DLGAP2: variants seen among roughly 807,000 people sequenced by gnomAD.
DLGAP2 encodes the protein disks large-associated protein 2.
In DLGAP2, 26 loss-of-function variants were observed where a neutral mutation model predicts 100.3. That is an observed-to-expected ratio of 0.26 (90% CI 0.19 to 0.36). DLGAP2 has a LOEUF of 0.36. DLGAP2 is among the 10% of genes least tolerant of loss of function. The probability of loss-of-function intolerance (pLI) is 1.00; values close to 1 mark genes in which losing one functional copy is unlikely to be tolerated. For synonymous variants in DLGAP2, 886 were observed against 630.1 expected, an observed-to-expected ratio of 1.41 and a Z score of -6.08; for missense variants, 1,858 against 1,453.2, an observed-to-expected ratio of 1.28 and a Z score of -4.53.
intron 2 of DLGAP2, among the ~76,000 whole-genome samples, chr8:984,044 G>A (rs982141624): frequency 2.0e-5 from 3 of 152,126 alleles, no homozygotes; most frequent in Non-Finnish European, 4.4e-5. Context: ...TTGGGTGTGC[G>A]GGCGGTCACT....
At chr8:1,567,849 A>G (rs865905213) in intron 6 of DLGAP2, among the ~76,000 whole-genome samples, 8 of 152,346 alleles carry the variant, frequency 5.3e-5, no homozygotes, top group Admixed American at 5.2e-4. Context: ...TCCCTGCCCA[A>G]GTGGGAAACC....
chr8:1,145,367 T>C (rs138299118), intron 2 of DLGAP2, among the ~76,000 whole-genome samples: 54 of 152,310 alleles, frequency 3.5e-4, no homozygotes, highest in African/African-American at 1.2e-3. Context: ...CATGGGCTTG[T>C]TGGCTGCGGT....
intron 1 of DLGAP2, among the ~76,000 whole-genome samples, chr8:832,602 A>G (rs1796802995): frequency 6.6e-6 from 1 of 152,204 alleles, no homozygotes; most frequent in African/African-American, 2.4e-5. Flanking sequence ...TATTTTGGGA[A>G]AATGTTAATT....
intron 2 of DLGAP2, among the ~76,000 whole-genome samples, chr8:1,043,279 ACG>A (rs1802421704): frequency 6.5e-4 from 19 of 29,394 alleles, no homozygotes; most frequent in Non-Finnish European, 5.8e-4. Context: ...TGGGTGGTGG[ACG>A]TGGGTGGTGG....
intron 2 of DLGAP2, among the ~76,000 whole-genome samples, chr8:1,135,107 C>G (rs1796377252): frequency 6.6e-6 from 1 of 152,188 alleles, no homozygotes. Flanking sequence ...ACTCTAACAC[C>G]TTAACCTGTA....
chr8:1,333,213 G>C (rs1319326479), intron 3 of DLGAP2, among the ~76,000 whole-genome samples: 1 of 152,130 alleles, frequency 6.6e-6, no homozygotes, highest in Non-Finnish European at 1.5e-5. Flanking sequence ...TACAGAGATG[G>C]AGGAAGGAGA....
At position 936,733 on chromosome 8, in the gene DLGAP2, C is replaced by T. The variant is rs145343163; in HGVS notation, c.73+28767C>T. 2.4e-3 allele frequency among the ~76,000 whole-genome samples: 361 copies of T among 152,232 alleles called. 1 individual carries two copies. The highest frequency in any genetic ancestry group is 8.4e-3 in the African/African-American group (349 of 41,548). ...TAGTTGCTGTTGGGCACTTAGGGTA[C>T]AGCATGGAGGTGGCAGGGAGCTGCT... On this transcript the variant is annotated intron_variant, in intron 2 of 14. Transcript: ENST00000637795.
At position 1,610,694 on chromosome 8, in the gene DLGAP2, T is replaced by A. The variant is rs1231010196; in HGVS notation, c.1443-16046T>A. On this transcript the variant is annotated intron_variant, in intron 6 of 14. Coordinates refer to ENST00000637795, the MANE Select transcript of DLGAP2 (RefSeq NM_001346810.2). Reference sequence around the variant, plus strand: ...AGAATCAAATAGACACAATAAAAAATGATAAAGGGGATATCACCACCGATC... The same window carrying A: ...AGAATCAAATAGACACAATAAAAAAAGATAAAGGGGATATCACCACCGATC... Among the ~76,000 whole-genome samples the A allele has an allele frequency of 5.8e-5, 8 of 137,116 alleles. No individual in the cohort carries two copies. In the East Asian group the frequency reaches 1.5e-3, roughly 25 times the overall value. The allele number at this position is 137,116 out of a possible 152,430, so 90.0% of individuals were successfully genotyped here. A position where few individuals can be genotyped will look rare whatever the true frequency, so the allele number is the denominator to read the frequency against.
chr8:1,299,792 G>A (rs903571368), intron 3 of DLGAP2: 1 of 152,148 alleles, frequency 6.6e-6, no homozygotes, highest in Non-Finnish European at 1.5e-5. Context: ...GGTCAAGAAT[G>A]GATCTGAAGC....
At chr8:1,382,296 C>T (rs1796115107) in intron 3 of DLGAP2, among the ~76,000 whole-genome samples, 1 of 152,236 alleles carries the variant, frequency 6.6e-6, no homozygotes, top group Non-Finnish European at 1.5e-5. Context: ...TCCCCGTCTT[C>T]ACGTTGAGTG....
intron 3 of DLGAP2, among the ~76,000 whole-genome samples, chr8:1,474,746 G>A (rs762021478): frequency 7.2e-5 from 11 of 152,210 alleles, no homozygotes; most frequent in Non-Finnish European, 1.0e-4. Flanking sequence ...AGGTTGGCAA[G>A]GCTATGGGGA....
At chr8:764,512 A>C (rs1226199054) in intron 1 of DLGAP2, among the ~76,000 whole-genome samples, 2 of 152,200 alleles carry the variant, frequency 1.3e-5, no homozygotes, top group Non-Finnish European at 2.9e-5. Context: ...AACAAGTAGG[A>C]AATACCTGTG....
rs570229428 is a variant in DLGAP2, at chr8:904,300, G to C, written c.19-3612G>C. Among the ~76,000 whole-genome samples, 10 of 152,268 alleles carry C rather than the reference G, an allele frequency of 6.6e-5. No individual in the cohort carries two copies. The South Asian group carries it at 2.1e-3, about 32-fold the overall frequency. On this transcript the variant is annotated intron_variant, in intron 1 of 14. Transcript: ENST00000637795. The stretch of plus-strand genomic sequence containing the variant: ...TTTGGGAGGCCGAGGTGGGTGGATT[G>C]CTTGAGGTCAGGAATTTGAGACCAG...
At chr8:1,567,835 C>T (rs968260054) in intron 6 of DLGAP2, among the ~76,000 whole-genome samples, 1 of 152,202 alleles carries the variant, frequency 6.6e-6, no homozygotes, top group Non-Finnish European at 1.5e-5. Context: ...ACTGGCCAGA[C>T]CCTTCCCTGC....
intron 3 of DLGAP2, among the ~76,000 whole-genome samples, chr8:1,458,396 C>T (rs1036439098): frequency 6.6e-6 from 1 of 152,146 alleles, no homozygotes; most frequent in African/African-American, 2.4e-5. Flanking sequence ...GTTATTCTAA[C>T]ATGTATCATA....
At chr8:1,005,580 G>A (rs1200463927) in intron 2 of DLGAP2, among the ~76,000 whole-genome samples, 1 of 97,614 alleles carries the variant, frequency 1.0e-5, no homozygotes, top group Non-Finnish European at 2.3e-5. Context: ...AGCTTGCCCA[G>A]CTAATTTTTT....
chr8:1,061,613 A>G (rs1234223765), intron 2 of DLGAP2, among the ~76,000 whole-genome samples: 2 of 152,066 alleles, frequency 1.3e-5, no homozygotes, highest in Non-Finnish European at 2.9e-5. Context: ...GCAGCAGCAG[A>G]AACGCCCCAA....
intron 3 of DLGAP2, among the ~76,000 whole-genome samples, chr8:1,453,960 A>ATGTGGCG (rs1361609384): frequency 1.3e-5 from 2 of 152,230 alleles, no homozygotes; most frequent in African/African-American, 2.4e-5. Context: ...ACAAAGCCAG[A>ATGTGGCG]TGTGGCGTGT....
intron 1 of DLGAP2, among the ~76,000 whole-genome samples, chr8:743,291 C>T (rs191228069): frequency 1.2e-4 from 19 of 152,264 alleles, no homozygotes; most frequent in Admixed American, 1.0e-3. Flanking sequence ...AAACCCAAAA[C>T]TACAAAGCCA....
Sources: gnomAD v4.1 joint callset for allele counts (sites outside exome capture counted in the v4.1 genomes callset) on GRCh38, gnomAD v4.1.1 for gene constraint, MANE v1.5 for transcripts, NCBI Gene and HGNC (gene_info 2026-07-23, HGNC 2026-07-21) for gene names.